KCTD8: variants seen among roughly 807,000 people sequenced by gnomAD.
The protein encoded by KCTD8 is BTB/POZ domain-containing protein KCTD8.
A neutral mutation model predicts 31.5 loss-of-function variants in KCTD8; 27 were observed. The ratio of observed to expected loss-of-function variants is 0.86; its 90% CI spans 0.63 to 1.18. The LOEUF is 1.18. Ranked by LOEUF, KCTD8 falls within the 50% of genes most tolerant of loss-of-function variation. KCTD8 has a pLI of 0.00. For synonymous variants in KCTD8, 290 were observed against 280.0 expected, an observed-to-expected ratio of 1.04 and a Z score of -0.36; for missense variants, 658 against 647.7, an observed-to-expected ratio of 1.02 and a Z score of -0.17.
intron 1 of KCTD8, among the ~76,000 whole-genome samples, chr4:44,319,918 T>A (rs1440527958): frequency 1.3e-5 from 2 of 151,954 alleles, no homozygotes; most frequent in Non-Finnish European, 2.9e-5. Flanking sequence ...ATTCCTGTAA[T>A]CCCAGCACGT....
chr4:44,252,087 A>G (rs1414070969), intron 1 of KCTD8, among the ~76,000 whole-genome samples: 1 of 151,688 alleles, frequency 6.6e-6, no homozygotes, highest in African/African-American at 2.4e-5. Context: ...CTTAGCTCCT[A>G]CCTGTAAGTA....
chr4:44,446,178 AAACACTAAGCC>A (rs1721934399), intron 1 of KCTD8, among the ~76,000 whole-genome samples: 1 of 152,222 alleles, frequency 6.6e-6, no homozygotes, highest in African/African-American at 2.4e-5. Context: ...CAGAATATAC[AAACACTAAGCC>A]AACCTTCCAG....
chr4:44,350,906 G>A (rs192194096), intron 1 of KCTD8, among the ~76,000 whole-genome samples: 8 of 152,106 alleles, frequency 5.3e-5, no homozygotes, highest in South Asian at 2.1e-4. Flanking sequence ...TCAGACGTTC[G>A]TCAAAATTAC....
intron 1 of KCTD8, among the ~76,000 whole-genome samples, chr4:44,289,027 TTTTA>T: frequency 6.6e-6 from 1 of 151,478 alleles, no homozygotes; most frequent in Non-Finnish European, 1.5e-5. Context: ...TTTTCATCTT[TTTTA>T]TTTAGTTTTA....
At chr4:44,447,170 G>A (rs192775234) in intron 1 of KCTD8, among the ~76,000 whole-genome samples, 1 of 152,354 alleles carries the variant, frequency 6.6e-6, no homozygotes, top group African/African-American at 2.4e-5. Context: ...ATGACCCCCA[G>A]CAGTCCTGCA....
At chr4:44,296,867 T>C (rs776337682) in intron 1 of KCTD8, among the ~76,000 whole-genome samples, 1 of 152,058 alleles carries the variant, frequency 6.6e-6, no homozygotes, top group Non-Finnish European at 1.5e-5. Flanking sequence ...GATTATACTA[T>C]CCTCAGGGTC....
intron 1 of KCTD8, among the ~76,000 whole-genome samples, chr4:44,203,789 G>T (rs1714220521): frequency 6.6e-6 from 1 of 151,440 alleles, no homozygotes; most frequent in South Asian, 2.1e-4. Context: ...TTTAAAATGA[G>T]AACGATATAA....
intron 1 of KCTD8, among the ~76,000 whole-genome samples, chr4:44,217,131 T>A (rs1252126863): frequency 6.6e-6 from 1 of 152,186 alleles, no homozygotes; most frequent in African/African-American, 2.4e-5. Flanking sequence ...AAGTGAGTAG[T>A]TCTCACCAGG....
rs1370500913 is a variant in KCTD8, at chr4:44,401,089, G to A, written c.961+46474C>T. Among the ~76,000 whole-genome samples the A allele has an allele frequency of 2.3e-5, 3 of 132,598 alleles. No homozygotes were observed. In the Admixed American group the frequency reaches 2.7e-4, roughly 12 times the overall value. 87.0% of individuals were successfully genotyped at this position (132,598 alleles called of 152,430 possible). A position where few individuals can be genotyped will look rare whatever the true frequency, so the allele number is the denominator to read the frequency against. ...GCTGGACTCAAACTCCTGACCTCAA[G>A]TGATCCTCCCAACTCAGCCTCCCAA... On this transcript the variant is annotated intron_variant, in intron 1 of 1. Coordinates refer to ENST00000360029, the MANE Select transcript of KCTD8 (RefSeq NM_198353.3).
At chr4:44,379,575 A>G (rs1720007267) in intron 1 of KCTD8, among the ~76,000 whole-genome samples, 1 of 152,094 alleles carries the variant, frequency 6.6e-6, no homozygotes, top group East Asian at 1.9e-4. Context: ...TGTGTGGTTA[A>G]GCACACATGC....
rs190192282 is a variant in KCTD8, at chr4:44,291,680, A to G, written c.962-116430T>C. Among the ~76,000 whole-genome samples, 66 of 152,276 alleles carry G rather than the reference A, an allele frequency of 4.3e-4. 1 individual carries two copies. The East Asian group carries it at 6.9e-3, about 16-fold the overall frequency. On this transcript the variant is annotated intron_variant, in intron 1 of 1. Transcript: ENST00000360029. ...AGCAAGAGAAATGATCAACAGTGTGAGCAGACAACCTACAGAATGGGTGAA... is the reference window on the plus strand; with the variant it reads ...AGCAAGAGAAATGATCAACAGTGTGGGCAGACAACCTACAGAATGGGTGAA...
At chr4:44,395,717 C>A (rs950338699) in intron 1 of KCTD8, among the ~76,000 whole-genome samples, 1 of 152,088 alleles carries the variant, frequency 6.6e-6, no homozygotes, top group Non-Finnish European at 1.5e-5. Flanking sequence ...CGTACTTTTA[C>A]TATTTTCTGA....
At chr4:44,227,367 T>C (rs1714997189) in intron 1 of KCTD8, among the ~76,000 whole-genome samples, 1 of 152,226 alleles carries the variant, frequency 6.6e-6, no homozygotes, top group Non-Finnish European at 1.5e-5. Flanking sequence ...TGGTATTATT[T>C]CTGAGGTCTC....
At chr4:44,195,508 A>T (rs1406651878) in intron 1 of KCTD8, among the ~76,000 whole-genome samples, 2 of 152,166 alleles carry the variant, frequency 1.3e-5, no homozygotes, top group Non-Finnish European at 2.9e-5. Context: ...GAAGATTCTG[A>T]TTTTGTAGAT....
At chr4:44,262,541 G>A (rs977884429) in intron 1 of KCTD8, among the ~76,000 whole-genome samples, 3 of 151,966 alleles carry the variant, frequency 2.0e-5, no homozygotes, top group Admixed American at 6.6e-5. Flanking sequence ...GGGAAAAAAA[G>A]CATTATATTT....
At chr4:44,318,915 C>T (rs1281549369) in intron 1 of KCTD8, among the ~76,000 whole-genome samples, 1 of 151,988 alleles carries the variant, frequency 6.6e-6, no homozygotes, top group Non-Finnish European at 1.5e-5. Flanking sequence ...TTAAATGTAT[C>T]CTTGAAAAAG....
chr4:44,402,908 C>A (rs908352946), intron 1 of KCTD8, among the ~76,000 whole-genome samples: 2 of 152,154 alleles, frequency 1.3e-5, no homozygotes, highest in African/African-American at 2.4e-5. Context: ...CACAACTTAG[C>A]CTTGTAACAC....
At chr4:44,441,841 C>A (rs971272122) in intron 1 of KCTD8, among the ~76,000 whole-genome samples, 5 of 152,078 alleles carry the variant, frequency 3.3e-5, no homozygotes, top group Non-Finnish European at 7.4e-5. Context: ...AGATTCTGTA[C>A]CTTGAAATAA....
intron 1 of KCTD8, among the ~76,000 whole-genome samples, chr4:44,224,286 C>G (rs1245185429): frequency 6.6e-6 from 1 of 152,152 alleles, no homozygotes; most frequent in Non-Finnish European, 1.5e-5. Flanking sequence ...CAAGTTACAC[C>G]TCAGCAGAAG....
Sources: gnomAD v4.1 joint callset for allele counts (sites outside exome capture counted in the v4.1 genomes callset) on GRCh38, gnomAD v4.1.1 for gene constraint, MANE v1.5 for transcripts, NCBI Gene and HGNC (gene_info 2026-07-23, HGNC 2026-07-21) for gene names.